The following NHSL2 variants were observed in gnomAD, a reference collection of about 807,000 sequenced individuals.
NHSL2 encodes NHS-like protein 2.
A neutral mutation model predicts 53.4 loss-of-function variants in NHSL2; 27 were observed. The ratio of observed to expected loss-of-function variants is 0.51; its 90% CI spans 0.37 to 0.70. The LOEUF is 0.70. NHSL2 is among the 30% of genes least tolerant of loss of function. The probability of loss-of-function intolerance (pLI) is 0.00; values close to 1 mark genes in which losing one functional copy is unlikely to be tolerated. For missense variants in NHSL2, 892 were observed against 980.1 expected (o/e 0.91, Z 1.20); for synonymous variants, 408 against 404.1 (o/e 1.01, Z -0.12).
chrX:72,142,200 C>G lies in NHSL2; in HGVS notation c.3224-32C>G, dbSNP rs1452005881. 2.6e-6 allele frequency: 3 copies of G among 1,133,829 alleles called. No homozygotes were observed. The African/African-American group carries it at 5.5e-5, about 21-fold the overall frequency. The allele number at this position is 1,133,829 out of a possible 1,213,427, so 93.4% of individuals were successfully genotyped here. ...TGTGCTTTGTCCTATCTACTGTGGTCAAAGTCATTCCTTTTGGTTTTTTAT... is the reference window on the plus strand; with the variant it reads ...TGTGCTTTGTCCTATCTACTGTGGTGAAAGTCATTCCTTTTGGTTTTTTAT... On this transcript the variant is annotated intron_variant, in intron 6 of 7. Transcript: ENST00000633930.
chrX:72,023,684 G>C lies in NHSL2; in HGVS notation c.281-108395G>C, dbSNP rs188135968. Among the ~76,000 whole-genome samples, 19 of 112,036 alleles carry C rather than the reference G, an allele frequency of 1.7e-4. 1 individual carries two copies. The East Asian group carries it at 5.3e-3, about 31-fold the overall frequency. ...TCTATGACATGGCAGGATGTGGAGT[G>C]GGGTGGTGAGTGAGGAGCTTGGACT... On this transcript the variant is annotated intron_variant, in intron 1 of 7. Transcript: ENST00000633930.
chrX:72,117,971 T>C (rs2042153519), intron 1 of NHSL2, among the ~76,000 whole-genome samples: 2 of 110,665 alleles, frequency 1.8e-5, no homozygotes, highest in Admixed American at 1.9e-4. Context: ...TTTCCAATTC[T>C]CTTGGGTACA....
At position 72,131,506 on chromosome X, in the gene NHSL2, C is replaced by T. The variant is rs367810289; in HGVS notation, c.281-573C>T. On this transcript the variant is annotated intron_variant, in intron 1 of 7. Transcript: ENST00000633930. ...TTCGCGCAGGGCCACATTCGCCATG[C>T]GGAGGCTGTTGAGATTTCCTGACGC... The T allele has an allele frequency of 5.9e-6, 7 of 1,195,441 alleles. No individual in the cohort carries two copies. The African/African-American group carries it at 1.2e-4, about 21-fold the overall frequency.
chrX:71,964,015 A>G lies in NHSL2; in HGVS notation c.280+52648A>G, dbSNP rs1172945633. 1.3e-3 allele frequency among the ~76,000 whole-genome samples: 7 copies of G among 5,573 alleles called. 1 individual carries two copies. The highest frequency in any genetic ancestry group is 1.5e-3 in the African/African-American group (6 of 4,076). 4.8% of individuals were successfully genotyped at this position (5,573 alleles called of 115,157 possible). On this transcript the variant is annotated intron_variant, in intron 1 of 7. Transcript: ENST00000633930. Reference sequence around the variant, plus strand: ...TATGTATATACATATATATATGTATATATATATATGTGTATATATATATAT... The same window carrying G: ...TATGTATATACATATATATATGTATGTATATATATGTGTATATATATATAT...
At position 72,109,657 on chromosome X, in the gene NHSL2, C is replaced by G. The variant is rs191209518; in HGVS notation, c.281-22422C>G. On this transcript the variant is annotated intron_variant, in intron 1 of 7. Coordinates refer to ENST00000633930, the MANE Select transcript of NHSL2 (RefSeq NM_001013627.3). Reference sequence around the variant, plus strand: ...CTAATTTTTGTATTTTTAGTAGAGACGGGGTTTCACTATGTTGGCCAGGCT... The same window carrying G: ...CTAATTTTTGTATTTTTAGTAGAGAGGGGGTTTCACTATGTTGGCCAGGCT... Among the ~76,000 whole-genome samples the G allele has an allele frequency of 2.7e-5, 3 of 110,704 alleles. No homozygotes were observed. In the Admixed American group the frequency reaches 2.9e-4, roughly 11 times the overall value.
intron 1 of NHSL2, among the ~76,000 whole-genome samples, chrX:72,033,808 A>G (rs1418544743): frequency 2.7e-5 from 3 of 111,024 alleles, no homozygotes; most frequent in Non-Finnish European, 5.7e-5. Context: ...GGGATTTTCT[A>G]TATATATATA....
Position 72,142,129 on chromosome X carries a change from C to T in NHSL2, c.3224-103C>T, listed in dbSNP as rs1320596216. The T allele has an allele frequency of 6.8e-6, 4 of 585,866 alleles. No individual in the cohort carries two copies. In the South Asian group the frequency reaches 1.2e-4, roughly 18 times the overall value. The allele number at this position is 585,866 out of a possible 1,213,427, so 48.3% of individuals were successfully genotyped here. A position where few individuals can be genotyped will look rare whatever the true frequency, so the allele number is the denominator to read the frequency against. ...GGTATTAAAAATCTCCACCCTGCTG[C>T]CCTCACAGAGTTGCTTTCACCATCA... On this transcript the variant is annotated intron_variant, in intron 6 of 7. Coordinates refer to ENST00000633930, the MANE Select transcript of NHSL2 (RefSeq NM_001013627.3).
intron 1 of NHSL2, among the ~76,000 whole-genome samples, chrX:71,994,285 AGGGAGGCTCCCTCT>A (rs1217384373): frequency 1.3e-5 from 1 of 76,352 alleles, no homozygotes; most frequent in Non-Finnish European, 2.4e-5. Context: ...GAGATCCCTG[AGGGAGGCTCCCTCT>A]GTGTGTGTGT....
rs1049936464 is a variant in NHSL2, at chrX:71,981,034, C to T, written c.280+69667C>T. Among the ~76,000 whole-genome samples, 14 of 111,986 alleles carry T rather than the reference C, an allele frequency of 1.3e-4. 1 individual carries two copies. The highest frequency in any genetic ancestry group is 3.9e-4 in the African/African-American group (12 of 30,826). ...CAAAAGTTAGCTCAAAGTGGATCAACGACATAACTGTAAGAGCTCAAGCTG... is the reference window on the plus strand; with the variant it reads ...CAAAAGTTAGCTCAAAGTGGATCAATGACATAACTGTAAGAGCTCAAGCTG... On this transcript the variant is annotated intron_variant, in intron 1 of 7. Transcript: ENST00000633930.
At chrX:72,087,435 G>A (rs139774325) in intron 1 of NHSL2, among the ~76,000 whole-genome samples, 2,361 of 112,487 alleles carry the variant, frequency 0.021, 60 homozygotes, top group African/African-American at 0.073. Context: ...ATCCATAGTG[G>A]TGATGGTTGT....
chrX:72,136,212 A>G (rs1228344389), intron 4 of NHSL2, among the ~76,000 whole-genome samples: 1 of 111,260 alleles, frequency 9.0e-6, no homozygotes, highest in Non-Finnish European at 1.9e-5. Context: ...ACTCTGACCC[A>G]GCCATTTCCC....
rs2042456576 is a variant in NHSL2, at chrX:72,145,380, A to G, written c.*1806A>G. On this transcript the variant is annotated 3_prime_UTR_variant, in exon 8 of 8. Transcript: ENST00000633930. ...TTGTTGTTATAGTTCTGAATCTGAG[A>G]CTTCTGGAAACAGGCCAGGCCCACC... is the stretch of plus-strand genomic sequence containing the variant. 8.9e-6 allele frequency: 1 copy of G among 112,225 alleles called. No individual in the cohort carries two copies. The highest frequency in any genetic ancestry group is 1.9e-5 in the Non-Finnish European group (1 of 53,262). The allele number at this position is 112,225 out of a possible 1,213,427, so 9.2% of individuals were successfully genotyped here.
At chrX:72,077,329 G>A (rs947586410) in intron 1 of NHSL2, among the ~76,000 whole-genome samples, 6 of 110,576 alleles carry the variant, frequency 5.4e-5, no homozygotes, top group South Asian at 3.9e-4. Flanking sequence ...CACCATAACC[G>A]TCTTCCTGGC....
chrX:72,117,823 TTTATTTATTTA>T (rs2042151800), intron 1 of NHSL2, among the ~76,000 whole-genome samples: 1 of 102,897 alleles, frequency 9.7e-6, no homozygotes, highest in African/African-American at 3.5e-5. Context: ...CACATTTTTA[TTTATTTATTTA>T]TTTATTTATT....
At chrX:72,050,903 AC>A (rs1270287364) in intron 1 of NHSL2, among the ~76,000 whole-genome samples, 4 of 109,839 alleles carry the variant, frequency 3.6e-5, no homozygotes, top group African/African-American at 9.9e-5. Flanking sequence ...AAAAAAAAAA[AC>A]AAAACAAAAA....
At chrX:72,090,638 A>G (rs550019055) in intron 1 of NHSL2, among the ~76,000 whole-genome samples, 31 of 111,377 alleles carry the variant, frequency 2.8e-4, no homozygotes, top group African/African-American at 9.1e-4. Flanking sequence ...AGACTATTTC[A>G]TGAAAAAAGT....
intron 1 of NHSL2, among the ~76,000 whole-genome samples, chrX:72,115,756 T>G (rs914676186): frequency 9.0e-6 from 1 of 111,406 alleles, no homozygotes; most frequent in Non-Finnish European, 1.9e-5. Flanking sequence ...TGACAAGGAA[T>G]GCTCCCTTCC....
chrX:72,126,247 G>T, intron 1 of NHSL2, among the ~76,000 whole-genome samples: 1 of 111,789 alleles, frequency 8.9e-6, no homozygotes, highest in East Asian at 2.8e-4. Context: ...TGGAGGCAGG[G>T]GGGGTAGGAC....
chrX:71,956,200 T>C (rs1373944091), intron 1 of NHSL2, among the ~76,000 whole-genome samples: 1 of 112,505 alleles, frequency 8.9e-6, no homozygotes, highest in South Asian at 3.7e-4. Flanking sequence ...AAATGGCACA[T>C]ATTTGAAGTA....
Sources: allele counts gnomAD v4.1 joint callset (sites outside exome capture counted in the v4.1 genomes callset), GRCh38; gene constraint gnomAD v4.1.1; transcripts MANE v1.5; gene names NCBI Gene and HGNC (gene_info 2026-07-23, HGNC 2026-07-21).